The following PFDN2 variants were observed in gnomAD, a reference collection of about 807,000 sequenced individuals.
The protein encoded by PFDN2 is prefoldin subunit 2, also known as prefoldin 2.
Under a neutral mutation model 18.3 loss-of-function variants are expected in PFDN2, and 7 were observed. The ratio of observed to expected loss-of-function variants is 0.38; its 90% confidence interval spans 0.22 to 0.72. The LOEUF is 0.72. PFDN2 is among the 30% of genes least tolerant of loss of function. The probability of loss-of-function intolerance (pLI) is 0.47; values close to 1 mark genes in which losing one functional copy is unlikely to be tolerated. For synonymous variants in PFDN2, 76 were observed against 75.0 expected, an observed-to-expected ratio of 1.01 and a Z score of -0.07; for missense variants, 181 against 199.1, an observed-to-expected ratio of 0.91 and a Z score of 0.55.
chr1:161,115,286 A>G (rs1654886325), intron 1 of PFDN2, among the ~76,000 whole-genome samples: 1 of 152,032 alleles, frequency 6.6e-6, no homozygotes, highest in African/African-American at 2.4e-5. Context: ...CTGGTCTCGA[A>G]CTCCTGACCT....
chr1:161,102,996 A>G (rs556868640), intron 1 of PFDN2, among the ~76,000 whole-genome samples: 1 of 150,572 alleles, frequency 6.6e-6, no homozygotes, highest in South Asian at 2.1e-4. Flanking sequence ...GAGCTACTGG[A>G]GTACCTACAG....
intron 1 of PFDN2, among the ~76,000 whole-genome samples, chr1:161,117,199 A>G (rs541045960): frequency 1.2e-4 from 18 of 152,174 alleles, no homozygotes; most frequent in African/African-American, 3.4e-4. Context: ...GCGCCACTGC[A>G]TGCACTCCAG....
chr1:161,103,524 C>A (rs1370514745), intron 1 of PFDN2, among the ~76,000 whole-genome samples: 2 of 151,332 alleles, frequency 1.3e-5, no homozygotes, highest in African/African-American at 4.9e-5. Flanking sequence ...CCCATCTCTA[C>A]TAAAATACAA....
At chr1:161,115,012 T>C (rs1420202026) in intron 1 of PFDN2, among the ~76,000 whole-genome samples, 1 of 152,258 alleles carries the variant, frequency 6.6e-6, no homozygotes, top group Non-Finnish European at 1.5e-5. Context: ...TCCAGAGTTA[T>C]CCAATGTCTG....
chr1:161,107,768 A>G (rs970262601), intron 1 of PFDN2, among the ~76,000 whole-genome samples: 5 of 151,384 alleles, frequency 3.3e-5, no homozygotes, highest in African/African-American at 1.2e-4. Context: ...TGAGCCTAAG[A>G]TCATGCCACT....
chr1:161,108,907 T>C (rs1314447784), intron 1 of PFDN2, among the ~76,000 whole-genome samples: 1 of 152,222 alleles, frequency 6.6e-6, no homozygotes, highest in African/African-American at 2.4e-5. Context: ...ATTAATTACA[T>C]GTGTACTACT....
At chr1:161,102,770 CA>C (rs2101699205) in intron 1 of PFDN2, among the ~76,000 whole-genome samples, 1 of 152,040 alleles carries the variant, frequency 6.6e-6, no homozygotes, top group East Asian at 1.9e-4. Context: ...CCATCCTGGC[CA>C]ACATGGTGAA....
At chr1:161,112,210 G>T (rs567204029) in intron 1 of PFDN2, among the ~76,000 whole-genome samples, 9 of 152,102 alleles carry the variant, frequency 5.9e-5, no homozygotes, top group Non-Finnish European at 1.2e-4. Flanking sequence ...ACAGAATGTT[G>T]TAAGGATTAA....
intron 1 of PFDN2, 37 bp downstream of exon 1, chr1:161,117,915 C>G (rs1371050032): frequency 1.3e-6 from 2 of 1,558,638 alleles, no homozygotes; most frequent in Non-Finnish European, 1.8e-6. Context: ...ATTCCAGACC[C>G]AGGTGGGTAC....
At chr1:161,110,904 A>G (rs1246614524) in intron 1 of PFDN2, among the ~76,000 whole-genome samples, 2 of 135,590 alleles carry the variant, frequency 1.5e-5, no homozygotes, top group East Asian at 2.2e-4. Flanking sequence ...CAGTGGCATG[A>G]TATCGGCTCA....
rs899970421 is a variant in PFDN2 at position 161,118,006 on chromosome 1, G to A, written c.21C>T (p.Arg7=). The change falls in exon 1 of 4, where the codon CGC becomes CGT. Residue 7 remains arginine, a synonymous_variant. Coordinates refer to ENST00000368010, the MANE Select transcript of PFDN2 (RefSeq NM_012394.4). MAENSG[R]AGKSSGSGAG... ...CGCCGCTCCCGCTGCTCTTGCCGGCGCGACCGCTGTTCTCCGCCATCTTCG... is the reference window on the plus strand; with the variant it reads ...CGCCGCTCCCGCTGCTCTTGCCGGCACGACCGCTGTTCTCCGCCATCTTCG... 29 of 1,612,102 alleles carry A rather than the reference G, an allele frequency of 1.8e-5. No homozygotes were observed. The highest frequency in any genetic ancestry group is 2.2e-5 in the East Asian group (1 of 44,844).
rs12024799 is a variant in PFDN2, at chr1:161,103,213, G to T, written c.76-838C>A. Among the ~76,000 whole-genome samples, 518 of 152,200 alleles carry T rather than the reference G, an allele frequency of 3.4e-3. 12 individuals are homozygous for T. The East Asian group carries it at 0.054, about 16-fold the overall frequency. ...AGGAATTGGAATTTTGCAGACAAAT[G>T]GGTATAGAAGACAGCTGGAGTTAAG... On this transcript the variant is annotated intron_variant, in intron 1 of 3. Transcript: ENST00000368010.
chr1:161,115,250 G>A (rs372321865), intron 1 of PFDN2, among the ~76,000 whole-genome samples: 2 of 152,168 alleles, frequency 1.3e-5, no homozygotes, highest in African/African-American at 4.8e-5. Context: ...TTTTAGTAGC[G>A]ATGGGGTTTC....
rs530041197 is a variant in PFDN2, at chr1:161,103,463, G to T, written c.76-1088C>A. On this transcript the variant is annotated intron_variant, in intron 1 of 3. Transcript: ENST00000368010. Reference sequence around the variant, plus strand: ...GCAGCACTTTGGGAGGCCGAGGTGGGCAGATCACCAGGTCAGGAGATCAAG... The same window carrying T: ...GCAGCACTTTGGGAGGCCGAGGTGGTCAGATCACCAGGTCAGGAGATCAAG... 2.6e-5 allele frequency among the ~76,000 whole-genome samples: 4 copies of T among 151,804 alleles called. No homozygotes were observed. In the East Asian group the frequency reaches 7.7e-4, roughly 29 times the overall value.
intron 1 of PFDN2, among the ~76,000 whole-genome samples, chr1:161,109,313 G>C (rs1331109298): frequency 6.6e-6 from 1 of 152,182 alleles, no homozygotes; most frequent in Non-Finnish European, 1.5e-5. Flanking sequence ...CTGGGAAGCA[G>C]AAGAATCTGG....
chr1:161,111,724 T>C (rs1279706284), intron 1 of PFDN2, among the ~76,000 whole-genome samples: 1 of 152,220 alleles, frequency 6.6e-6, no homozygotes, highest in East Asian at 1.9e-4. Context: ...TCCTTCTTTC[T>C]CCTTTCTGAA....
intron 1 of PFDN2, among the ~76,000 whole-genome samples, chr1:161,107,740 G>A (rs562580463): frequency 2.7e-5 from 4 of 149,500 alleles, no homozygotes; most frequent in East Asian, 2.0e-4. Flanking sequence ...GCTTGAACTC[G>A]GGAGGTGAAG....
intron 1 of PFDN2, among the ~76,000 whole-genome samples, chr1:161,107,208 G>A (rs1044824229): frequency 6.6e-6 from 1 of 152,070 alleles, no homozygotes; most frequent in African/African-American, 2.4e-5. Flanking sequence ...GATGGATCAC[G>A]AGGTCAGGAG....
intron 1 of PFDN2, among the ~76,000 whole-genome samples, chr1:161,111,262 C>A (rs1181030967): frequency 6.6e-6 from 1 of 152,146 alleles, no homozygotes; most frequent in Non-Finnish European, 1.5e-5. Flanking sequence ...TGGAAAGAAC[C>A]CAAACTTCTT....
Sources: allele counts gnomAD v4.1 joint callset (sites outside exome capture counted in the v4.1 genomes callset), GRCh38; gene constraint gnomAD v4.1.1; transcripts MANE v1.5; gene names NCBI Gene and HGNC (gene_info 2026-07-23, HGNC 2026-07-21).